The following NRG3 variants were observed in gnomAD, a reference collection of about 807,000 sequenced individuals.
NRG3 encodes the protein pro-neuregulin-3, membrane-bound isoform.
NRG3 carries 31 observed loss-of-function variants against 66.9 expected under a neutral mutation model. That is an observed-to-expected ratio of 0.46 (90% CI 0.35 to 0.63). The LOEUF (loss-of-function observed/expected upper bound fraction) is 0.63. Ranked by LOEUF, NRG3 falls within the 20% of genes least tolerant of loss-of-function variation. NRG3 has a pLI of 0.00. For synonymous variants in NRG3, 393 were observed against 359.4 expected (o/e 1.09, Z -1.06); for missense variants, 910 against 878.9 (o/e 1.04, Z -0.45).
rs559372986 is a variant in NRG3 at position 81,917,710 on chromosome 10, C to T, written c.823+41547C>T. The stretch of plus-strand genomic sequence containing the variant: ...GCGTGTACTGGTTTATCATCCAGCA[C>T]ATAGATACAGTTTGTCTTTCACTTC... On this transcript the variant is annotated intron_variant, in intron 1 of 8. Coordinates refer to ENST00000372141, the MANE Select transcript of NRG3 (RefSeq NM_001010848.4). Among the ~76,000 whole-genome samples the T allele has an allele frequency of 5.3e-5, 8 of 152,290 alleles. 1 individual carries two copies. The highest frequency in any genetic ancestry group is 1.3e-4 in the Admixed American group (2 of 15,288).
chr10:82,548,799 C>G (rs975783545), intron 2 of NRG3, among the ~76,000 whole-genome samples: 4 of 151,878 alleles, frequency 2.6e-5, no homozygotes, highest in African/African-American at 9.7e-5. Context: ...TCCTGGAACC[C>G]AAAAGCACAG....
intron 1 of NRG3, among the ~76,000 whole-genome samples, chr10:82,070,609 A>G (rs540882496): frequency 1.3e-5 from 2 of 152,302 alleles, no homozygotes; most frequent in South Asian, 4.1e-4. Context: ...GACATTAATT[A>G]CAGAATAAGT....
intron 3 of NRG3, among the ~76,000 whole-genome samples, chr10:82,770,093 G>A (rs1234200158): frequency 6.6e-6 from 1 of 151,958 alleles, no homozygotes; most frequent in Non-Finnish European, 1.5e-5. Flanking sequence ...ATAAAAATGA[G>A]TCATTATATT....
In NRG3 at chr10:81,974,267, G is replaced by T. The variant is rs191272274; in HGVS notation, c.823+98104G>T. Among the ~76,000 whole-genome samples the T allele has an allele frequency of 1.6e-3, 240 of 152,054 alleles. 2 individuals are homozygous for T. The highest frequency in any genetic ancestry group is 4.0e-4 in the Non-Finnish European group (27 of 67,964). ...TCTCTATTCTGCTCCATTGATCTAT[G>T]TGTCTCTTTTTTTACCAGTACCATG... On this transcript the variant is annotated intron_variant, in intron 1 of 8. Transcript: ENST00000372141.
chr10:81,964,707 G>A (rs2059664614), intron 1 of NRG3, among the ~76,000 whole-genome samples: 1 of 152,120 alleles, frequency 6.6e-6, no homozygotes, highest in East Asian at 1.9e-4. Context: ...ATTCCACAGA[G>A]AGTCAACCCC....
At chr10:82,803,862 C>T (rs923272596) in intron 3 of NRG3, among the ~76,000 whole-genome samples, 3 of 152,088 alleles carry the variant, frequency 2.0e-5, no homozygotes, top group South Asian at 4.1e-4. Flanking sequence ...CATGGCTTCA[C>T]TTTACGGTTT....
intron 2 of NRG3, among the ~76,000 whole-genome samples, chr10:82,583,589 A>T (rs1185304493): frequency 6.6e-6 from 1 of 152,170 alleles, no homozygotes; most frequent in African/African-American, 2.4e-5. Context: ...TGTGATTTCT[A>T]TAAAAACCTT....
intron 1 of NRG3, among the ~76,000 whole-genome samples, chr10:81,972,895 T>C: frequency 6.6e-6 from 1 of 152,328 alleles, no homozygotes; most frequent in East Asian, 1.9e-4. Context: ...TAATACAATG[T>C]AATTTAATTT....
chr10:82,508,070 A>G (rs594612), intron 2 of NRG3, among the ~76,000 whole-genome samples: 71,257 of 152,098 alleles, frequency 0.47, 20,333 homozygotes, highest in African/African-American at 0.8. Flanking sequence ...GTTTAAATTG[A>G]GTTCCTGTGG....
At chr10:82,679,702 T>C (rs1051985735) in intron 2 of NRG3, among the ~76,000 whole-genome samples, 6 of 152,128 alleles carry the variant, frequency 3.9e-5, no homozygotes, top group African/African-American at 1.4e-4. Flanking sequence ...TATCTCAATC[T>C]TCATATCAAC....
intron 2 of NRG3, among the ~76,000 whole-genome samples, chr10:82,708,108 T>C (rs1277918135): frequency 1.3e-5 from 2 of 152,134 alleles, no homozygotes; most frequent in Non-Finnish European, 2.9e-5. Flanking sequence ...CTCATATCCG[T>C]TTTTAATCTT....
chr10:82,724,363 A>C (rs2057475935), intron 2 of NRG3, among the ~76,000 whole-genome samples: 1 of 152,088 alleles, frequency 6.6e-6, no homozygotes, highest in African/African-American at 2.4e-5. Context: ...ATATCCATTT[A>C]TCCTCAGCAG....
At chr10:82,792,282 A>G (rs1349247421) in intron 3 of NRG3, among the ~76,000 whole-genome samples, 1 of 152,130 alleles carries the variant, frequency 6.6e-6, no homozygotes, top group African/African-American at 2.4e-5. Context: ...ATCTGGAAGT[A>G]CTCTTCTTCA....
intron 1 of NRG3, among the ~76,000 whole-genome samples, chr10:81,897,350 G>C (rs991788272): frequency 4.6e-5 from 7 of 151,684 alleles, no homozygotes; most frequent in Admixed American, 2.6e-4. Flanking sequence ...ATGCTGTGTG[G>C]AACTGCACTC....
At chr10:82,104,276 G>T (rs1392590309) in intron 1 of NRG3, among the ~76,000 whole-genome samples, 1 of 152,140 alleles carries the variant, frequency 6.6e-6, no homozygotes, top group African/African-American at 2.4e-5. Flanking sequence ...ATAAATTAAA[G>T]AATGTGTTAG....
chr10:82,437,894 C>T (rs376998088), intron 2 of NRG3, among the ~76,000 whole-genome samples: 2 of 152,106 alleles, frequency 1.3e-5, no homozygotes, highest in African/African-American at 4.8e-5. Context: ...ACTGAAGGAG[C>T]CTGGTGAACA....
At chr10:82,833,505 A>G (rs193224703) in intron 3 of NRG3, among the ~76,000 whole-genome samples, 55 of 152,070 alleles carry the variant, frequency 3.6e-4, no homozygotes, top group Non-Finnish European at 6.2e-4. Flanking sequence ...CATGAGTCCA[A>G]CTGCTTTCCT....
In NRG3 at chr10:82,792,245, T is replaced by C. The variant is rs1424495956; in HGVS notation, c.1027+53595T>C. ...ACTTACTTTATCATCTGGAAGTAAT[T>C]AGATGTTTGGAGGGACTTACTTTAT... On this transcript the variant is annotated intron_variant, in intron 3 of 8. Coordinates refer to ENST00000372141, the MANE Select transcript of NRG3 (RefSeq NM_001010848.4). 2.0e-5 allele frequency among the ~76,000 whole-genome samples: 3 copies of C among 152,100 alleles called. No individual in the cohort carries two copies. In the East Asian group the frequency reaches 5.8e-4, roughly 29 times the overall value.
chr10:82,080,073 A>C (rs1399076544), intron 1 of NRG3, among the ~76,000 whole-genome samples: 2 of 152,190 alleles, frequency 1.3e-5, no homozygotes, highest in African/African-American at 4.8e-5. Flanking sequence ...TCTGCAAGGC[A>C]ATCCACAGAG....
Sources: allele counts gnomAD v4.1 joint callset (sites outside exome capture counted in the v4.1 genomes callset), GRCh38; gene constraint gnomAD v4.1.1; transcripts MANE v1.5; gene names NCBI Gene and HGNC (gene_info 2026-07-23, HGNC 2026-07-21).